Variants in LPP observed in about 807,000 individuals in gnomAD.
LPP encodes lipoma-preferred partner.
In LPP, 38 loss-of-function variants were observed where a neutral mutation model predicts 60.4. That is an observed-to-expected ratio of 0.63 (90% CI 0.49 to 0.83). LPP has a LOEUF of 0.83. Ranked by LOEUF, LPP falls within the 40% of genes least tolerant of loss-of-function variation. The pLI, the probability that LPP is intolerant of heterozygous loss-of-function variation, is 0.00. For missense variants in LPP, 902 were observed against 783.6 expected (o/e 1.15, Z -1.80); for synonymous variants, 328 against 290.8 (o/e 1.13, Z -1.30).
At chr3:188,578,888 T>C (rs1403148701) in intron 6 of LPP, among the ~76,000 whole-genome samples, 2 of 152,142 alleles carry the variant, frequency 1.3e-5, no homozygotes, top group African/African-American at 4.8e-5. Context: ...TAAGCATCTT[T>C]CAGTAGTTTA....
At chr3:188,404,419 A>T (rs1440314163) in intron 3 of LPP, among the ~76,000 whole-genome samples, 1 of 152,006 alleles carries the variant, frequency 6.6e-6, no homozygotes, top group African/African-American at 2.4e-5. Flanking sequence ...TAATTTTTTA[A>T]TTTTTTGTAG....
At chr3:188,746,603 T>C in intron 8 of LPP, 1 of 473,360 alleles carries the variant, frequency 2.1e-6, no homozygotes, top group South Asian at 1.6e-5. Flanking sequence ...TAAAATCACA[T>C]AGCTGATGCA....
chr3:188,449,564 T>G (rs1375750310), intron 4 of LPP, among the ~76,000 whole-genome samples: 2 of 152,106 alleles, frequency 1.3e-5, no homozygotes, highest in African/African-American at 4.8e-5. Context: ...TTTTATAGAT[T>G]AGAAAACTGA....
intron 8 of LPP, among the ~76,000 whole-genome samples, chr3:188,727,960 T>C (rs1719034481): frequency 6.6e-6 from 1 of 152,216 alleles, no homozygotes; most frequent in Non-Finnish European, 1.5e-5. Flanking sequence ...ACTGCTATCC[T>C]TTCTGTGTCA....
At chr3:188,382,608 C>T (rs1777193475) in intron 3 of LPP, among the ~76,000 whole-genome samples, 2 of 152,192 alleles carry the variant, frequency 1.3e-5, no homozygotes, top group South Asian at 4.1e-4. Context: ...TAACTCTAAA[C>T]TCCTTTGGAT....
intron 8 of LPP, among the ~76,000 whole-genome samples, chr3:188,729,701 G>C (rs1010257493): frequency 1.3e-5 from 2 of 152,112 alleles, no homozygotes; most frequent in African/African-American, 4.8e-5. Flanking sequence ...ATGTGGCCAG[G>C]CACAGTGGCT....
At position 188,406,246 on chromosome 3, in the gene LPP, C is replaced by T. The variant is rs757873800; in HGVS notation, c.126C>T (p.Pro42=). Residue 42 remains proline, a synonymous_variant, in exon 4 of 12, where the codon CCC becomes CCT. Coordinates refer to ENST00000617246, the MANE Select transcript of LPP (RefSeq NM_001375462.1). ...TTTCAGTGTCTACACAACAGCCACC[C>T]AAAAAGTTTGCCCCGGTAGTTGCTC... ...PSISVSTQQP[P]KKFAPVVAPK... 3.1e-6 allele frequency: 5 copies of T among 1,614,016 alleles called. No homozygotes were observed. The highest frequency in any genetic ancestry group is 4.2e-6 in the Non-Finnish European group (5 of 1,180,018).
At chr3:188,345,485 C>T (rs1485181401) in intron 3 of LPP, among the ~76,000 whole-genome samples, 1 of 152,052 alleles carries the variant, frequency 6.6e-6, no homozygotes, top group Non-Finnish European at 1.5e-5. Flanking sequence ...CTGTTTCCTG[C>T]ACATTGTTGG....
At chr3:188,704,956 T>G (rs1435512570) in intron 7 of LPP, among the ~76,000 whole-genome samples, 1 of 151,998 alleles carries the variant, frequency 6.6e-6, no homozygotes, top group African/African-American at 2.4e-5. Context: ...CTGAACCACT[T>G]GTAGTTTTTC....
intron 3 of LPP, among the ~76,000 whole-genome samples, chr3:188,357,768 T>G (rs911086235): frequency 6.6e-6 from 1 of 152,148 alleles, no homozygotes; most frequent in African/African-American, 2.4e-5. Context: ...AATAAATCAT[T>G]TGGCTGGAGG....
chr3:188,240,870 T>G (rs902804075), intron 2 of LPP, among the ~76,000 whole-genome samples: 6 of 152,282 alleles, frequency 3.9e-5, no homozygotes, highest in Admixed American at 2.0e-4. Context: ...TTGGCTATAT[T>G]AAAGTAATGC....
chr3:188,584,140 A>G (rs1228766173), intron 6 of LPP, among the ~76,000 whole-genome samples: 1 of 152,220 alleles, frequency 6.6e-6, no homozygotes, highest in Non-Finnish European at 1.5e-5. Flanking sequence ...TTTTCTAGGT[A>G]TATAACTGAC....
intron 4 of LPP, among the ~76,000 whole-genome samples, chr3:188,446,631 TG>T (rs2149308998): frequency 6.6e-6 from 1 of 152,346 alleles, no homozygotes; most frequent in South Asian, 2.1e-4. Flanking sequence ...AATGTTTTGC[TG>T]CTTCCAGAGC....
intron 2 of LPP, among the ~76,000 whole-genome samples, chr3:188,268,033 T>C (rs1736231350): frequency 6.6e-6 from 1 of 150,460 alleles, no homozygotes; most frequent in Non-Finnish European, 1.5e-5. Flanking sequence ...TTTTTTTTTT[T>C]TTTTTTTGCT....
chr3:188,520,767 A>G (rs1560512219), intron 5 of LPP, among the ~76,000 whole-genome samples: 1 of 152,164 alleles, frequency 6.6e-6, no homozygotes. Flanking sequence ...GGGGATTGTT[A>G]TAATTACATT....
chr3:188,664,227 G>C (rs1188952667), intron 7 of LPP, among the ~76,000 whole-genome samples: 3 of 152,136 alleles, frequency 2.0e-5, no homozygotes, highest in Non-Finnish European at 4.4e-5. Context: ...TTTAATGAAA[G>C]TTTTAGTCTT....
intron 4 of LPP, among the ~76,000 whole-genome samples, chr3:188,466,813 A>ATC (rs1256028021): frequency 1.9e-5 from 2 of 106,392 alleles, no homozygotes; most frequent in East Asian, 2.9e-4. Context: ...GAACATATAT[A>ATC]TATATATATA....
intron 1 of LPP, among the ~76,000 whole-genome samples, chr3:188,207,040 G>T (rs2620503): frequency 6.6e-6 from 1 of 151,906 alleles, no homozygotes; most frequent in Admixed American, 6.6e-5. Context: ...TTTGCATCTC[G>T]AAGTAAAGGA....
intron 3 of LPP, among the ~76,000 whole-genome samples, chr3:188,381,838 A>G (rs1469785915): frequency 2.0e-5 from 3 of 152,108 alleles, no homozygotes; most frequent in Non-Finnish European, 1.5e-5. Context: ...TTAAATATAT[A>G]TATATGTATA....
Sources: gnomAD v4.1 joint callset for allele counts (sites outside exome capture counted in the v4.1 genomes callset) on GRCh38, gnomAD v4.1.1 for gene constraint, MANE v1.5 for transcripts, NCBI Gene and HGNC (gene_info 2026-07-23, HGNC 2026-07-21) for gene names.